The following TAFA3 variants were observed in gnomAD, a reference collection of about 807,000 sequenced individuals.
TAFA3 encodes chemokine-like protein TAFA-3.
Under a neutral mutation model 20.7 loss-of-function variants are expected in TAFA3, and 17 were observed. That is an observed-to-expected ratio of 0.82 (90% CI 0.56 to 1.23). TAFA3 has a LOEUF of 1.23. TAFA3 is among the 50% of genes most tolerant of loss of function. The pLI, the probability that TAFA3 is intolerant of heterozygous loss-of-function variation, is 0.00. For missense variants in TAFA3, 174 were observed against 172.8 expected (o/e 1.01, Z -0.04); for synonymous variants, 74 against 71.8 (o/e 1.03, Z -0.16).
At position 112,723,052 on chromosome 1, in the gene TAFA3, C is replaced by G; in HGVS notation, c.152C>G (p.Ala51Gly). The G allele has an allele frequency of 6.2e-7, 1 of 1,612,954 alleles. No homozygotes were observed. ...VQQGTCEVIA[A>G]HRCCNRNRIE... ...CAGGGCACCTGCGAGGTGATTGCGGCTCACCGCTGCTGCAACCGGAACCGC... is the reference window on the plus strand; with the variant it reads ...CAGGGCACCTGCGAGGTGATTGCGGGTCACCGCTGCTGCAACCGGAACCGC... Residue 51 changes from alanine (A) to glycine (G), a missense_variant, in exon 4 of 6, where the codon GCT becomes GGT. Ala to Gly is a moderately conservative substitution (Grantham distance 60, BLOSUM62 0). Coordinates refer to ENST00000361886, the MANE Select transcript of TAFA3 (RefSeq NM_182759.3).
At chr1:112,724,224 G>C (rs1459375762) in intron 5 of TAFA3, 87 bp downstream of exon 5, 1 of 1,222,186 alleles carries the variant, frequency 8.2e-7, no homozygotes, top group Non-Finnish European at 1.1e-6. Flanking sequence ...GGAGGTCTAG[G>C]ATGTCAGTGT....
At chr1:112,721,592 G>T (rs968849571) in intron 2 of TAFA3, among the ~76,000 whole-genome samples, 5 of 152,208 alleles carry the variant, frequency 3.3e-5, no homozygotes, top group African/African-American at 9.6e-5. Context: ...GGAATTAGAG[G>T]CATGAACCAC....
At chr1:112,720,752 A>T (rs181821229) in intron 2 of TAFA3, 118 bp downstream of exon 2, 1 of 152,446 alleles carries the variant, frequency 6.6e-6, no homozygotes, top group East Asian at 1.9e-4. Context: ...CCAAAGCTGC[A>T]CTGGCACTTG....
intron 3 of TAFA3, 98 bp from the exon 4 acceptor site, chr1:112,722,918 C>A: frequency 2.1e-6 from 3 of 1,445,968 alleles, no homozygotes; most frequent in Admixed American, 4.9e-5. Flanking sequence ...CCATAGCCCT[C>A]CCTGCAGCAG....
At chr1:112,719,670 T>C (rs1180437655) in intron 1 of TAFA3, among the ~76,000 whole-genome samples, 2 of 151,994 alleles carry the variant, frequency 1.3e-5, no homozygotes, top group Admixed American at 6.6e-5. Flanking sequence ...TGAGTTGGAT[T>C]GGAGGATGTT....
rs894604907 is a variant in TAFA3, at chr1:112,726,042, C to T, written c.391-587C>T. 5.9e-5 allele frequency among the ~76,000 whole-genome samples: 9 copies of T among 152,058 alleles called. No individual in the cohort carries two copies. In the East Asian group the frequency reaches 1.5e-3, roughly 26 times the overall value. On this transcript the variant is annotated intron_variant, in intron 5 of 5. Transcript: ENST00000361886. The stretch of plus-strand genomic sequence containing the variant: ...ATCCCAGCTACTTGGGAGGCTGAGG[C>T]AGGAGAATTGCTTGAACCTAGGAGG...
chr1:112,720,840 A>T (rs4450018), intron 2 of TAFA3, among the ~76,000 whole-genome samples: 71,891 of 152,028 alleles, frequency 0.47, 17,300 homozygotes, highest in South Asian at 0.61. Context: ...TGCTCCCTTC[A>T]ATGGCTGGGC....
Position 112,726,866 on chromosome 1 carries a change from C to A in TAFA3, c.*226C>A. 1 of 591,660 alleles carries A rather than the reference C, an allele frequency of 1.7e-6. No homozygotes were observed. Among genetic ancestry groups the A allele is most frequent in the Non-Finnish European group, 3.0e-6 (1 of 335,476 alleles). 36.7% of individuals were successfully genotyped at this position (591,660 alleles called of 1,614,324 possible). On this transcript the variant is annotated 3_prime_UTR_variant, in exon 6 of 6. Coordinates refer to ENST00000361886, the MANE Select transcript of TAFA3 (RefSeq NM_182759.3). ...GCTTTTCTGGAGACACGAAGGTCAA[C>A]ACACAATTCCTGCCCTTAAGGAATG...
At chr1:112,724,246 A>G in intron 5 of TAFA3, 109 bp downstream of exon 5, 2 of 1,004,628 alleles carry the variant, frequency 2.0e-6, no homozygotes, top group Non-Finnish European at 2.9e-6. Context: ...CCAAGGTGAG[A>G]TCGTGAACCA....
intron 5 of TAFA3, among the ~76,000 whole-genome samples, chr1:112,725,902 A>G (rs6669553): frequency 0.4 from 60,144 of 151,946 alleles, 12,977 homozygotes; most frequent in African/African-American, 0.57. Context: ...ACTTTGGGAG[A>G]CAGAGGTGGG....
rs375502853 is a variant in TAFA3, at chr1:112,726,611, C to G, written c.391-18C>G. On this transcript the variant is annotated intron_variant, in intron 5 of 5. Transcript: ENST00000361886. ...AGGCATTCCCTTCTCTAACCTTACC[C>G]TCTCGCTTCTTCACCAGGTCACACG... The G allele has an allele frequency of 6.2e-7, 1 of 1,613,778 alleles. No homozygotes were observed. The highest frequency in any genetic ancestry group is 1.7e-5 in the Admixed American group (1 of 60,002).
intron 5 of TAFA3, among the ~76,000 whole-genome samples, chr1:112,725,858 G>A (rs541080854): frequency 9.2e-5 from 14 of 152,288 alleles, no homozygotes; most frequent in Admixed American, 7.2e-4. Flanking sequence ...GAGAAGGAGG[G>A]CTGGGTGCGG....
intron 1 of TAFA3, among the ~76,000 whole-genome samples, chr1:112,719,740 AAAG>A (rs1279246551): frequency 6.6e-6 from 1 of 152,150 alleles, no homozygotes; most frequent in Non-Finnish European, 1.5e-5. Flanking sequence ...GTGATGGTCA[AAAG>A]GAGGGTTCCT....
rs143418705 is a variant in TAFA3, at chr1:112,720,812, G to T, written c.-2+178G>T. On this transcript the variant is annotated intron_variant, in intron 2 of 5. Transcript: ENST00000361886. The stretch of plus-strand genomic sequence containing the variant: ...TCACCCCTGAGCTTTTGGCCTTGCT[G>T]CATCCTGGGACTTCTCCTGCTCCCT... 4.3e-3 allele frequency among the ~76,000 whole-genome samples: 659 copies of T among 152,336 alleles called. 4 individuals carry two copies. Among genetic ancestry groups the T allele is most frequent in the African/African-American group, 0.015 (637 of 41,568 alleles).
chr1:112,727,077 C>T lies in TAFA3; in HGVS notation c.*437C>T, dbSNP rs947246209. 3.4e-5 allele frequency: 6 copies of T among 176,224 alleles called. No individual in the cohort carries two copies. The highest frequency in any genetic ancestry group is 1.4e-4 in the African/African-American group (6 of 42,198). 10.9% of individuals were successfully genotyped at this position (176,224 alleles called of 1,614,324 possible). A position where few individuals can be genotyped will look rare whatever the true frequency, so the allele number is the denominator to read the frequency against. On this transcript the variant is annotated 3_prime_UTR_variant, in exon 6 of 6. Transcript: ENST00000361886. ...AACAAGAGGTCACATTCAGCACCCA[C>T]CACCTCCCTCTTTCGCATCAGTTCT...
intron 4 of TAFA3, 200 bp from the exon 5 acceptor site, chr1:112,723,813 A>C: frequency 6.1e-6 from 6 of 977,082 alleles, no homozygotes; most frequent in Non-Finnish European, 9.2e-6. Flanking sequence ...CGGTGGGATT[A>C]AAGTTGAGAG....
In TAFA3 at chr1:112,719,000, C is replaced by T. The variant is rs1175966065; in HGVS notation, c.-359C>T. 2.0e-5 allele frequency among the ~76,000 whole-genome samples: 3 copies of T among 152,196 alleles called. No individual in the cohort carries two copies. The highest frequency in any genetic ancestry group is 1.9e-4 in the East Asian group (1 of 5,192). On this transcript the variant is annotated 5_prime_UTR_variant, in exon 1 of 6. Coordinates refer to ENST00000361886, the MANE Select transcript of TAFA3 (RefSeq NM_182759.3). Reference sequence around the variant, plus strand: ...GTTGCGGCGGCGGCTGCGCGCTCCCCGGCCTGCCGGCAGGAACCTTGGAAA... The same window carrying T: ...GTTGCGGCGGCGGCTGCGCGCTCCCTGGCCTGCCGGCAGGAACCTTGGAAA...
intron 5 of TAFA3, among the ~76,000 whole-genome samples, chr1:112,725,563 A>G (rs935096940): frequency 8.0e-6 from 1 of 125,220 alleles, no homozygotes. Context: ...TTGACTCCCT[A>G]CAGTTCATAC....
intron 1 of TAFA3, chr1:112,720,365 G>C (rs150724563): frequency 1.3e-5 from 2 of 152,376 alleles, no homozygotes; most frequent in African/African-American, 4.8e-5. Flanking sequence ...TCACCACCCT[G>C]TGTGATCCCA....
Sources: gnomAD v4.1 joint callset for allele counts (sites outside exome capture counted in the v4.1 genomes callset) on GRCh38, gnomAD v4.1.1 for gene constraint, MANE v1.5 for transcripts, NCBI Gene and HGNC (gene_info 2026-07-23, HGNC 2026-07-21) for gene names.